TYR: variants seen among roughly 807,000 people sequenced by gnomAD.
TYR encodes LB24-AB.
In TYR, 58 loss-of-function variants were observed where a neutral mutation model predicts 51.5. That is an observed-to-expected ratio of 1.13 (90% CI 0.91 to 1.40). The LOEUF (loss-of-function observed/expected upper bound fraction) is 1.40, where lower values mean the gene tolerates loss of function less well. Among genes scored for constraint, TYR ranks in the 40% most tolerant of loss-of-function variants. The pLI is 0.00. For missense variants in TYR, 732 were observed against 647.4 expected, an observed-to-expected ratio of 1.13 and a Z score of -1.42; for synonymous variants, 263 against 235.2, an observed-to-expected ratio of 1.12 and a Z score of -1.08.
chr11:89,276,716 G>T (rs577613251), intron 3 of TYR, among the ~76,000 whole-genome samples: 5 of 151,698 alleles, frequency 3.3e-5, no homozygotes, highest in Non-Finnish European at 5.9e-5. Context: ...CAAGATGAAG[G>T]TCAAGCAGAG....
chr11:89,191,307 A>AC lies in TYR; in HGVS notation c.929dup (p.Arg311LysfsTer7), dbSNP rs281865527. 46 of 1,613,522 alleles carry AC rather than the reference A, an allele frequency of 2.9e-5. No individual in the cohort carries two copies. The East Asian group carries it at 1.0e-3, about 35-fold the overall frequency. On this transcript the variant is annotated frameshift_variant, in exon 2 of 5. Transcript: ENST00000263321. LOFTEE classifies it high-confidence loss of function. ...TCCTGGAAACCATGACAAATCCAGA[A>AC]CCCCAAGGCTCCCCTCTTCAGCTGA... is the stretch of plus-strand genomic sequence containing the variant.
intron 2 of TYR, among the ~76,000 whole-genome samples, chr11:89,207,992 G>T (rs1156380799): frequency 2.0e-5 from 3 of 152,196 alleles, no homozygotes. Flanking sequence ...TTTAAGGCCA[G>T]GGGCGGTGGC....
At chr11:89,238,447 G>T (rs139864652) in intron 3 of TYR, among the ~76,000 whole-genome samples, 37 of 152,128 alleles carry the variant, frequency 2.4e-4, no homozygotes, top group African/African-American at 8.2e-4. Context: ...TTTGTATCCT[G>T]TAACCTTACT....
chr11:89,179,017 T>C (rs1943266851), intron 1 of TYR, among the ~76,000 whole-genome samples: 1 of 152,206 alleles, frequency 6.6e-6, no homozygotes, highest in Non-Finnish European at 1.5e-5. Context: ...GAGTACTTGA[T>C]TCATTATTGC....
chr11:89,180,297 T>C (rs1943284288), intron 1 of TYR, among the ~76,000 whole-genome samples: 1 of 152,178 alleles, frequency 6.6e-6, no homozygotes, highest in Non-Finnish European at 1.5e-5. Context: ...CAGTCAGTTA[T>C]GATGCTTTAT....
intron 2 of TYR, among the ~76,000 whole-genome samples, chr11:89,195,560 T>G (rs1943506864): frequency 6.6e-6 from 1 of 151,998 alleles, no homozygotes; most frequent in Admixed American, 6.6e-5. Flanking sequence ...ATGTCTGTAA[T>G]CCCAGCTACT....
At chr11:89,227,738 T>G in intron 2 of TYR, 85 bp from the exon 3 acceptor site, 1 of 1,188,972 alleles carries the variant, frequency 8.4e-7, no homozygotes. Context: ...GTCTTCAAGT[T>G]ATAGTTATAA....
intron 3 of TYR, among the ~76,000 whole-genome samples, chr11:89,274,254 T>C (rs191542718): frequency 1.3e-5 from 2 of 152,000 alleles, no homozygotes; most frequent in Admixed American, 1.3e-4. Flanking sequence ...CATAGACCTA[T>C]TGAATTAATT....
At chr11:89,294,506 C>T (rs1252685347) in intron 4 of TYR, among the ~76,000 whole-genome samples, 1 of 152,198 alleles carries the variant, frequency 6.6e-6, no homozygotes, top group Admixed American at 6.5e-5. Context: ...GCCCAGAGTG[C>T]GGACGCTCCA....
At chr11:89,283,704 C>T (rs1004825108) in intron 3 of TYR, 4 of 151,760 alleles carry the variant, frequency 2.6e-5, no homozygotes, top group East Asian at 3.9e-4. Flanking sequence ...TCATATGACT[C>T]GATAATGCAA....
At chr11:89,196,153 T>C (rs946052904) in intron 2 of TYR, among the ~76,000 whole-genome samples, 1 of 152,208 alleles carries the variant, frequency 6.6e-6, no homozygotes, top group Non-Finnish European at 1.5e-5. Context: ...CACAACAGTA[T>C]TGTGTTAAGC....
At chr11:89,198,823 T>C (rs1179141822) in intron 2 of TYR, among the ~76,000 whole-genome samples, 1 of 151,848 alleles carries the variant, frequency 6.6e-6, no homozygotes, top group East Asian at 1.9e-4. Context: ...GTTTGTTACA[T>C]ATGTATACAT....
At chr11:89,195,008 A>G (rs1277559607) in intron 2 of TYR, among the ~76,000 whole-genome samples, 1 of 152,188 alleles carries the variant, frequency 6.6e-6, no homozygotes, top group Non-Finnish European at 1.5e-5. Context: ...CCAGAGAGAC[A>G]CATTTTATCT....
intron 2 of TYR, among the ~76,000 whole-genome samples, chr11:89,215,412 C>A (rs1490224968): frequency 1.3e-5 from 2 of 152,036 alleles, no homozygotes; most frequent in African/African-American, 2.4e-5. Flanking sequence ...GGAGAAATAT[C>A]TAATTTAAAT....
In TYR at chr11:89,201,789, G is replaced by C. The variant is rs75296082; in HGVS notation, c.1036+10371G>C. Among the ~76,000 whole-genome samples the C allele has an allele frequency of 2.2e-4, 33 of 152,242 alleles. No individual in the cohort carries two copies. In the East Asian group the frequency reaches 6.2e-3, roughly 28 times the overall value. On this transcript the variant is annotated intron_variant, in intron 2 of 4. Coordinates refer to ENST00000263321, the MANE Select transcript of TYR (RefSeq NM_000372.5). The stretch of plus-strand genomic sequence containing the variant: ...CTGAAAGAGTTTCAGGGACTTCAAG[G>C]GGTCTGTTGGCCCCATTTTGTTAAG...
intron 3 of TYR, among the ~76,000 whole-genome samples, chr11:89,249,471 C>CAAAAAA (rs35342940): frequency 7.2e-5 from 5 of 69,776 alleles, no homozygotes; most frequent in African/African-American, 2.8e-4. Flanking sequence ...GCCATGTAGC[C>CAAAAAA]AAAAAAAAAA....
chr11:89,258,431 G>C (rs1944420538), intron 3 of TYR, among the ~76,000 whole-genome samples: 1 of 150,450 alleles, frequency 6.6e-6, no homozygotes, highest in African/African-American at 2.5e-5. Flanking sequence ...GCAACATCTG[G>C]CCAAATGAAA....
intron 3 of TYR, among the ~76,000 whole-genome samples, chr11:89,277,992 C>T (rs1041588791): frequency 9.9e-5 from 15 of 151,660 alleles, no homozygotes; most frequent in African/African-American, 3.1e-4. Context: ...AACATGGCCT[C>T]TGCTACCCTT....
chr11:89,293,832 G>T lies in TYR; in HGVS notation c.1367-1311G>T, dbSNP rs575583157. 8 of 263,722 alleles carry T rather than the reference G, an allele frequency of 3.0e-5. No individual in the cohort carries two copies. The East Asian group carries it at 7.8e-4, about 26-fold the overall frequency. 16.3% of individuals were successfully genotyped at this position (263,722 alleles called of 1,614,324 possible). The stretch of plus-strand genomic sequence containing the variant: ...AAGACACTTCATATTTGCCGCTTTT[G>T]CCAGCAGCAAGTCGGCCTGATGTGA... On this transcript the variant is annotated intron_variant, in intron 4 of 4. Coordinates refer to ENST00000263321, the MANE Select transcript of TYR (RefSeq NM_000372.5).
Sources: gnomAD v4.1 joint callset for allele counts (sites outside exome capture counted in the v4.1 genomes callset) on GRCh38, gnomAD v4.1.1 for gene constraint, MANE v1.5 for transcripts, NCBI Gene and HGNC (gene_info 2026-07-23, HGNC 2026-07-21) for gene names.